CDH12: variants seen among roughly 807,000 people sequenced by gnomAD.
The protein encoded by CDH12 is cadherin-12.
In CDH12, 41 loss-of-function variants were observed where a neutral mutation model predicts 74.1. The ratio of observed to expected loss-of-function variants is 0.55; its 90% CI spans 0.43 to 0.72. The LOEUF (loss-of-function observed/expected upper bound fraction) is 0.72, where lower values mean the gene tolerates loss of function less well. Among genes scored for constraint, CDH12 ranks in the 30% least tolerant of loss-of-function variants. The probability of loss-of-function intolerance (pLI) is 0.00; values close to 1 mark genes in which losing one functional copy is unlikely to be tolerated. For synonymous variants in CDH12, 399 were observed against 355.0 expected, an observed-to-expected ratio of 1.12 and a Z score of -1.39; for missense variants, 945 against 977.2, an observed-to-expected ratio of 0.97 and a Z score of 0.44.
chr5:22,515,632 G>A (rs899981834), intron 1 of CDH12, among the ~76,000 whole-genome samples: 2 of 151,932 alleles, frequency 1.3e-5, no homozygotes, highest in African/African-American at 4.8e-5. Context: ...CTAATATACA[G>A]CAAAGCTGAT....
chr5:22,454,821 A>G (rs1745199639), intron 2 of CDH12, among the ~76,000 whole-genome samples: 1 of 152,146 alleles, frequency 6.6e-6, no homozygotes, highest in Non-Finnish European at 1.5e-5. Flanking sequence ...ATGGGTCCCA[A>G]CCTGGGACCT....
intron 1 of CDH12, among the ~76,000 whole-genome samples, chr5:22,796,797 G>T (rs1472200294): frequency 9.8e-6 from 1 of 101,612 alleles, no homozygotes; most frequent in Non-Finnish European, 1.9e-5. Flanking sequence ...TGGGATTACA[G>T]GCGTGAGCCA....
chr5:22,685,872 C>T (rs944459949), intron 1 of CDH12, among the ~76,000 whole-genome samples: 2 of 152,014 alleles, frequency 1.3e-5, no homozygotes, highest in African/African-American at 4.8e-5. Flanking sequence ...TGTACAAGTT[C>T]GTATGGACAT....
intron 1 of CDH12, among the ~76,000 whole-genome samples, chr5:22,819,222 G>T (rs1333347870): frequency 6.6e-6 from 1 of 152,018 alleles, no homozygotes; most frequent in Non-Finnish European, 1.5e-5. Context: ...AGGACTAAAG[G>T]AACAGGTGAC....
At chr5:22,580,390 C>T (rs1740022389) in intron 1 of CDH12, 2 of 486,142 alleles carry the variant, frequency 4.1e-6, no homozygotes, top group Admixed American at 4.4e-5. Flanking sequence ...TGGTCCCCAT[C>T]GTAGGGTGGG....
At chr5:22,177,708 G>A (rs1326918009) in intron 4 of CDH12, among the ~76,000 whole-genome samples, 5 of 151,970 alleles carry the variant, frequency 3.3e-5, no homozygotes, top group African/African-American at 1.2e-4. Flanking sequence ...AAAATATGAG[G>A]AGAGCCACCC....
chr5:21,796,059 T>C (rs1347370148), intron 10 of CDH12, among the ~76,000 whole-genome samples: 1 of 152,072 alleles, frequency 6.6e-6, no homozygotes, highest in African/African-American at 2.4e-5. Flanking sequence ...TGATTATTAT[T>C]TAAATTACCT....
At chr5:22,821,725 T>C (rs868395709) in intron 1 of CDH12, among the ~76,000 whole-genome samples, 3,698 of 151,074 alleles carry the variant, frequency 0.024, 137 homozygotes, top group African/African-American at 0.087. Context: ...CTCAATGAAA[T>C]AAAAGAGGAT....
At chr5:22,615,910 A>G (rs1359112122) in intron 1 of CDH12, among the ~76,000 whole-genome samples, 1 of 152,120 alleles carries the variant, frequency 6.6e-6, no homozygotes, top group Non-Finnish European at 1.5e-5. Context: ...TAAAGGATTA[A>G]TGGAGAACCA....
At chr5:22,770,737 G>C (rs1746763873) in intron 1 of CDH12, among the ~76,000 whole-genome samples, 1 of 151,930 alleles carries the variant, frequency 6.6e-6, no homozygotes, top group Non-Finnish European at 1.5e-5. Context: ...TATGATCCTA[G>C]TTTGTTAATA....
chr5:21,917,496 T>G (rs1213658436), intron 6 of CDH12, among the ~76,000 whole-genome samples: 3 of 152,218 alleles, frequency 2.0e-5, no homozygotes, highest in Non-Finnish European at 2.9e-5. Flanking sequence ...CATTCTTAGC[T>G]CCTCAGGGAG....
chr5:22,329,926 A>G (rs970169667), intron 3 of CDH12, among the ~76,000 whole-genome samples: 1 of 152,180 alleles, frequency 6.6e-6, no homozygotes, highest in African/African-American at 2.4e-5. Context: ...CCAGTCTAGG[A>G]CACAAGGACT....
chr5:21,884,472 T>C (rs963601837), intron 6 of CDH12, among the ~76,000 whole-genome samples: 2 of 152,226 alleles, frequency 1.3e-5, no homozygotes, highest in Non-Finnish European at 1.5e-5. Flanking sequence ...TGACAAAATA[T>C]ATAATGGTTT....
At chr5:22,141,032 C>T (rs1375318791) in intron 4 of CDH12, 4 of 152,178 alleles carry the variant, frequency 2.6e-5, no homozygotes, top group Non-Finnish European at 5.9e-5. Flanking sequence ...GACAACAAGG[C>T]ACTTTTTAAT....
intron 4 of CDH12, among the ~76,000 whole-genome samples, chr5:22,145,313 G>A (rs1400200279): frequency 6.6e-6 from 1 of 151,906 alleles, no homozygotes; most frequent in East Asian, 1.9e-4. Flanking sequence ...AGCAATGAGG[G>A]GGATCTAGGA....
chr5:22,712,607 G>A (rs1654969823), intron 1 of CDH12, among the ~76,000 whole-genome samples: 1 of 151,768 alleles, frequency 6.6e-6, no homozygotes, highest in African/African-American at 2.4e-5. Context: ...GTTTTAATTG[G>A]TTTCTCTGTT....
chr5:22,231,173 A>T (rs1337579424), intron 3 of CDH12, among the ~76,000 whole-genome samples: 1 of 152,138 alleles, frequency 6.6e-6, no homozygotes, highest in Non-Finnish European at 1.5e-5. Flanking sequence ...GTGTTATATC[A>T]GTATGCAACA....
chr5:21,769,264 G>C (rs192910807), intron 11 of CDH12, among the ~76,000 whole-genome samples: 117 of 151,966 alleles, frequency 7.7e-4, no homozygotes, highest in African/African-American at 2.6e-3. Flanking sequence ...ATTGAAATCA[G>C]ACCCAAATAT....
At chr5:22,457,830 C>T (rs568326967) in intron 2 of CDH12, among the ~76,000 whole-genome samples, 187 of 152,182 alleles carry the variant, frequency 1.2e-3, no homozygotes, top group Middle Eastern at 0.01. Flanking sequence ...CTGCAACCTC[C>T]GCCTCCTGGG....
Sources: allele counts gnomAD v4.1 joint callset (sites outside exome capture counted in the v4.1 genomes callset), GRCh38; gene constraint gnomAD v4.1.1; transcripts MANE v1.5; gene names NCBI Gene and HGNC (gene_info 2026-07-23, HGNC 2026-07-21).